Variants in CAMSAP3 observed in about 807,000 individuals in gnomAD.
The protein encoded by CAMSAP3 is calmodulin regulated spectrin associated protein family member 3, also known as calmodulin-regulated spectrin-associated protein 3.
Under a neutral mutation model 112.5 loss-of-function variants are expected in CAMSAP3, and 34 were observed. The ratio of observed to expected loss-of-function variants is 0.30; its 90% CI spans 0.23 to 0.40. The LOEUF (loss-of-function observed/expected upper bound fraction) is 0.40, where lower values mean the gene tolerates loss of function less well. Ranked by LOEUF, CAMSAP3 falls within the 10% of genes least tolerant of loss-of-function variation. The pLI is 1.00. For missense variants in CAMSAP3, 1,602 were observed against 1,770.3 expected (o/e 0.90, Z 1.71); for synonymous variants, 868 against 799.8 (o/e 1.09, Z -1.44).
intron 1 of CAMSAP3, among the ~76,000 whole-genome samples, chr19:7,599,773 A>G (rs1359865871): frequency 1.2e-5 from 1 of 83,312 alleles, no homozygotes. Flanking sequence ...CCATCCACCC[A>G]CTCATCCACC....
At chr19:7,603,453 G>T (rs998721491) in intron 1 of CAMSAP3, among the ~76,000 whole-genome samples, 5 of 152,034 alleles carry the variant, frequency 3.3e-5, no homozygotes, top group African/African-American at 1.2e-4. Flanking sequence ...GACCTTAAAA[G>T]ATCTGCCTAC....
In CAMSAP3 at chr19:7,618,066, G is replaced by C. The variant is rs370451160; in HGVS notation, c.*9G>C. ...GCGGCACCCCCAAATAGCCCCACCC[G>C]GGCGGTCCACGGGCCGGGCCCTGTG... On this transcript the variant is annotated 3_prime_UTR_variant, in exon 17 of 17. Coordinates refer to ENST00000160298, the MANE Select transcript of CAMSAP3 (RefSeq NM_020902.2). 4.0e-5 allele frequency: 64 copies of C among 1,607,732 alleles called. 2 individuals carry two copies. In the South Asian group the frequency reaches 5.7e-4, roughly 14 times the overall value.
In CAMSAP3 at chr19:7,615,372, G is replaced by T. The variant is rs372925563; in HGVS notation, c.2811-46G>T. 7.8e-6 allele frequency: 12 copies of T among 1,532,884 alleles called. No homozygotes were observed. The highest frequency in any genetic ancestry group is 2.8e-5 in the African/African-American group (2 of 72,684). 95.0% of individuals were successfully genotyped at this position (1,532,884 alleles called of 1,614,324 possible). ...CCCGCTCCTTGGCCTGTCTGCCACC[G>T]CGGACCCCGTGAGCGGTTCTGATGC... On this transcript the variant is annotated intron_variant, in intron 12 of 16. Transcript: ENST00000160298. This position sits in a 1 kb window ranked among gnomAD's most constrained non-coding sequence, Gnocchi z 6.5.
At chr19:7,604,700 T>G (rs867755124) in intron 1 of CAMSAP3, among the ~76,000 whole-genome samples, 1 of 149,458 alleles carries the variant, frequency 6.7e-6, no homozygotes, top group Non-Finnish European at 1.5e-5. Context: ...ACCCCAGTCC[T>G]GGTGTTGAAG....
Position 7,615,484 on chromosome 19 carries a change from C to T in CAMSAP3, c.2877C>T (p.Ala959=), listed in dbSNP as rs1321200503. 1.9e-6 allele frequency: 3 copies of T among 1,540,722 alleles called. No individual in the cohort carries two copies. Among genetic ancestry groups the T allele is most frequent in the Admixed American group, 3.9e-5 (2 of 50,698 alleles). Residue 959 remains alanine, a synonymous_variant, in exon 13 of 17, where the codon GCC becomes GCT. Coordinates refer to ENST00000160298, the MANE Select transcript of CAMSAP3 (RefSeq NM_020902.2). This position sits in a 1 kb window ranked among gnomAD's most constrained non-coding sequence, Gnocchi z 6.5. The part of the protein sequence containing the change: ...LVSAVPMATP[A]PAARAPAEEE... ...CCGCAGTCCCGATGGCGACTCCAGC[C>T]CCTGCTGCCCGGGCTCCAGCCGAGG...
chr19:7,606,159 C>CCT (rs919271230), intron 2 of CAMSAP3, 112 bp from the exon 3 acceptor site: 1 of 639,404 alleles, frequency 1.6e-6, no homozygotes, highest in African/African-American at 1.9e-5. Flanking sequence ...AAGCCCCACC[C>CCT]CCCCCGTCAA....
rs1193884101 is a variant in CAMSAP3 at position 7,611,039 on chromosome 19, G to A, written c.1050-56G>A. ...GGGTGATGCTGTTGTCTCCCCCCGG[G>A]GAGAGGCGGAGGAGGAGGTGGGGGT... On this transcript the variant is annotated intron_variant, in intron 8 of 16. Coordinates refer to ENST00000160298, the MANE Select transcript of CAMSAP3 (RefSeq NM_020902.2). The surrounding 1 kb of genome is among the most constrained non-coding windows in gnomAD (Gnocchi z 6.9). The A allele has an allele frequency of 6.2e-7, 1 of 1,605,074 alleles. No individual in the cohort carries two copies. The highest frequency in any genetic ancestry group is 8.5e-7 in the Non-Finnish European group (1 of 1,172,730).
intron 13 of CAMSAP3, among the ~76,000 whole-genome samples, chr19:7,616,078 T>C (rs923161257): frequency 1.3e-5 from 2 of 151,878 alleles, no homozygotes; most frequent in African/African-American, 2.4e-5. Context: ...TCCCAGCTAC[T>C]TGGGAGACTG....
chr19:7,604,063 A>T (rs2030088844), intron 1 of CAMSAP3, among the ~76,000 whole-genome samples: 1 of 152,114 alleles, frequency 6.6e-6, no homozygotes, highest in African/African-American at 2.4e-5. Flanking sequence ...CGAGCCCGGG[A>T]GGCAGAGGTT....
chr19:7,602,233 TGC>T (rs2146158643), intron 1 of CAMSAP3, among the ~76,000 whole-genome samples: 1 of 152,180 alleles, frequency 6.6e-6, no homozygotes, highest in East Asian at 1.9e-4. Flanking sequence ...CCAGAGATTT[TGC>T]TAAACATCTC....
Position 7,596,022 on chromosome 19 carries a change from C to T in CAMSAP3, c.20C>T (p.Pro7Leu), listed in dbSNP as rs1169132797. MVEAAP[P>L]GPGPLRRTFL... ...GCCGCCATGGTGGAGGCGGCGCCCCCCGGGCCCGGGCCGCTGCGGAGGACC... is the reference window on the plus strand; with the variant it reads ...GCCGCCATGGTGGAGGCGGCGCCCCTCGGGCCCGGGCCGCTGCGGAGGACC... The change falls in exon 1 of 17, where the codon CCC becomes CTC. Residue 7 changes from proline (P) to leucine (L), a missense_variant. By Grantham distance (98) the Pro-to-Leu change is moderately conservative (BLOSUM62 -3). Transcript: ENST00000160298. 2.5e-6 allele frequency: 3 copies of T among 1,183,892 alleles called. No individual in the cohort carries two copies. Among genetic ancestry groups the T allele is most frequent in the Non-Finnish European group, 3.2e-6 (3 of 935,938 alleles). 73.3% of individuals were successfully genotyped at this position (1,183,892 alleles called of 1,614,324 possible).
rs2030274344 is a variant in CAMSAP3 at position 7,607,365 on chromosome 19, C to T, written c.622-761C>T. Among the ~76,000 whole-genome samples, 3 of 152,238 alleles carry T rather than the reference C, an allele frequency of 2.0e-5. No homozygotes were observed. The highest frequency in any genetic ancestry group is 4.4e-5 in the Non-Finnish European group (3 of 68,044). On this transcript the variant is annotated intron_variant, in intron 4 of 16. Transcript: ENST00000160298. The surrounding 1 kb of genome is among the most constrained non-coding windows in gnomAD (Gnocchi z 4.9). Reference sequence around the variant, plus strand: ...TCCCTGAAGCTGGAAGTTGAAATTTCTCTCTTCCCTGAATGAGCTGTGTGA... The same window carrying T: ...TCCCTGAAGCTGGAAGTTGAAATTTTTCTCTTCCCTGAATGAGCTGTGTGA...
At chr19:7,602,722 G>C (rs551849305) in intron 1 of CAMSAP3, among the ~76,000 whole-genome samples, 46 of 149,950 alleles carry the variant, frequency 3.1e-4, no homozygotes, top group African/African-American at 1.1e-3. Flanking sequence ...CCTGGAAGCC[G>C]TCACGGGGTA....
At chr19:7,604,123 A>C (rs930301297) in intron 1 of CAMSAP3, among the ~76,000 whole-genome samples, 2 of 151,840 alleles carry the variant, frequency 1.3e-5, no homozygotes, top group African/African-American at 4.8e-5. Flanking sequence ...CGACAGAGAG[A>C]CTCTTATCTC....
In CAMSAP3 at chr19:7,617,635, G is replaced by A. The variant is rs2030880230; in HGVS notation, c.3418G>A (p.Glu1140Lys). The A allele has an allele frequency of 3.1e-6, 5 of 1,614,022 alleles. No homozygotes were observed. Among genetic ancestry groups the A allele is most frequent in the East Asian group, 2.2e-5 (1 of 44,880 alleles). Residue 1140 changes from glutamate (E) to lysine (K), a missense_variant, in exon 16 of 17, where the codon GAA (glutamate) becomes AAA (lysine). Glu to Lys is a moderately conservative substitution (Grantham distance 56). This residue lies in a region of CAMSAP3 where 150 missense variants were observed against 207.6 expected (regional missense o/e 0.72). Transcript: ENST00000160298. This position sits in a 1 kb window ranked among gnomAD's most constrained non-coding sequence, Gnocchi z 7.5. The stretch of plus-strand genomic sequence containing the variant: ...CTGCTGCCTGGCGGGCAAGGTGAAC[G>A]AACCGCAGAAGAATCGCATTCTGGA... Reference protein sequence around the residue: ...SHCCLAGKVNEPQKNRILEEI... With the variant: ...SHCCLAGKVNKPQKNRILEEI...
In CAMSAP3 at chr19:7,612,025, A is replaced by T; in HGVS notation, c.1532A>T (p.Asp511Val). Residue 511 changes from aspartate (D) to valine (V), a missense_variant, in exon 11 of 17, where the codon GAC (aspartate) becomes GTC (valine). Coordinates refer to ENST00000160298, the MANE Select transcript of CAMSAP3 (RefSeq NM_020902.2). ...LPEGTSKPLS[D>V]RPTKAPVYMP... Reference sequence around the variant, plus strand: ...GAGGGGACCTCCAAACCACTGTCCGACAGGCCCACCAAAGCACCAGTGTAC... The same window carrying T: ...GAGGGGACCTCCAAACCACTGTCCGTCAGGCCCACCAAAGCACCAGTGTAC... 1.2e-6 allele frequency: 2 copies of T among 1,612,960 alleles called. No individual in the cohort carries two copies.
At chr19:7,599,203 A>G (rs901019183) in intron 1 of CAMSAP3, among the ~76,000 whole-genome samples, 1 of 151,356 alleles carries the variant, frequency 6.6e-6, no homozygotes, top group Admixed American at 6.6e-5. Flanking sequence ...CCACCCATCC[A>G]TCTACCCACT....
chr19:7,617,667 C>A lies in CAMSAP3; in HGVS notation c.3444+6C>A, dbSNP rs768819914. ...AGAAGAATCGCATTCTGGAGGTGAG[C>A]CCGCCCACACGTGGGAGTTGGGGGC... On this transcript the variant is annotated splice_donor_region_variant and intron_variant, in intron 16 of 16. Transcript: ENST00000160298. This position sits in a 1 kb window ranked among gnomAD's most constrained non-coding sequence, Gnocchi z 7.5. 2 of 1,613,934 alleles carry A rather than the reference C, an allele frequency of 1.2e-6. No individual in the cohort carries two copies. The highest frequency in any genetic ancestry group is 1.7e-6 in the Non-Finnish European group (2 of 1,179,854).
At chr19:7,602,338 A>G (rs1312531805) in intron 1 of CAMSAP3, among the ~76,000 whole-genome samples, 4 of 152,178 alleles carry the variant, frequency 2.6e-5, no homozygotes, top group East Asian at 1.9e-4. Flanking sequence ...TCGGTGTATA[A>G]TAAGTGTCTG....
Sources: allele counts gnomAD v4.1 joint callset (sites outside exome capture counted in the v4.1 genomes callset), GRCh38; gene constraint gnomAD v4.1.1; regional missense constraint gnomAD v4.1.1; non-coding constraint Gnocchi (gnomAD v3.1); transcripts MANE v1.5; gene names NCBI Gene and HGNC (gene_info 2026-07-23, HGNC 2026-07-21).